NELFE: variants seen among roughly 807,000 people sequenced by gnomAD.
NELFE encodes the protein negative elongation factor E.
NELFE carries 26 observed loss-of-function variants against 55.5 expected under a neutral mutation model. The ratio of observed to expected loss-of-function variants is 0.47; its 90% CI spans 0.34 to 0.65. The LOEUF (loss-of-function observed/expected upper bound fraction) is 0.65, where lower values mean the gene tolerates loss of function less well. Ranked by LOEUF, NELFE falls within the 30% of genes least tolerant of loss-of-function variation. The pLI is 0.01. For synonymous variants in NELFE, 162 were observed against 178.0 expected, an observed-to-expected ratio of 0.91 and a Z score of 0.72; for missense variants, 403 against 506.9, an observed-to-expected ratio of 0.80 and a Z score of 1.97.
rs1772000363 is a variant in NELFE, at chr6:31,955,116, C to T, written c.367-20G>A. The T allele has an allele frequency of 1.2e-6, 2 of 1,613,026 alleles. No homozygotes were observed. Among genetic ancestry groups the T allele is most frequent in the Non-Finnish European group, 8.5e-7 (1 of 1,179,974 alleles). On this transcript the variant is annotated intron_variant, in intron 5 of 10. Coordinates refer to ENST00000375429, the MANE Select transcript of NELFE (RefSeq NM_002904.6). ...GGATGACTGTAAAAGAGACCAAGAA[C>T]AGTTAAGATGATTTCCAGTTGCTGA...
intron 6 of NELFE, 29 bp downstream of exon 6, chr6:31,955,030 T>C (rs1243299392): frequency 1.2e-6 from 2 of 1,613,394 alleles, no homozygotes; most frequent in East Asian, 2.2e-5. Context: ...CTCCACCAAA[T>C]GGGCCCAGCC....
chr6:31,956,924 T>C lies in NELFE; in HGVS notation c.145+17A>G. Reference sequence around the variant, plus strand: ...GCTGCCCACTTCCAGTCCATCCCCATTTCCCCTGTCACTCACAGCGTTTGA... The same window carrying C: ...GCTGCCCACTTCCAGTCCATCCCCACTTCCCCTGTCACTCACAGCGTTTGA... On this transcript the variant is annotated intron_variant, in intron 3 of 10. Coordinates refer to ENST00000375429, the MANE Select transcript of NELFE (RefSeq NM_002904.6). 5 of 1,612,154 alleles carry C rather than the reference T, an allele frequency of 3.1e-6. No individual in the cohort carries two copies. Among genetic ancestry groups the C allele is most frequent in the Non-Finnish European group, 4.2e-6 (5 of 1,179,260 alleles).
At chr6:31,953,904 G>A (rs1183614488) in intron 9 of NELFE, 73 bp from the exon 10 acceptor site, 2 of 1,417,284 alleles carry the variant, frequency 1.4e-6, no homozygotes, top group African/African-American at 1.4e-5. Context: ...TATTCCAGGA[G>A]TTGCTATCCT....
In NELFE at chr6:31,955,004, G is replaced by C. The variant is rs1004974933; in HGVS notation, c.404+55C>G. The stretch of plus-strand genomic sequence containing the variant: ...AGCTCCTACAGCCCAAACCTCCCAA[G>C]GACTCAGGCAATCAACTCCACCAAA... On this transcript the variant is annotated intron_variant, in intron 6 of 10. Coordinates refer to ENST00000375429, the MANE Select transcript of NELFE (RefSeq NM_002904.6). 10 of 1,613,174 alleles carry C rather than the reference G, an allele frequency of 6.2e-6. No individual in the cohort carries two copies. The African/African-American group carries it at 1.1e-4, about 17-fold the overall frequency.
rs1772130297 is a variant in NELFE at position 31,957,019 on chromosome 6, A to G, written c.76-9T>C. 2 of 1,591,008 alleles carry G rather than the reference A, an allele frequency of 1.3e-6. No homozygotes were observed. The highest frequency in any genetic ancestry group is 1.7e-6 in the Non-Finnish European group (2 of 1,163,380). ...GCCAGCAATGCCTTTTTCTGGGAAC[A>G]AGGGTGAGAAGAGAGAGGTAAGTGA... On this transcript the variant is annotated splice_polypyrimidine_tract_variant and intron_variant, in intron 2 of 10. Transcript: ENST00000375429.
intron 2 of NELFE, among the ~76,000 whole-genome samples, chr6:31,957,670 C>CT: frequency 6.6e-6 from 1 of 152,216 alleles, no homozygotes; most frequent in Non-Finnish European, 1.5e-5. Context: ...AATAGTTCTA[C>CT]TTTACTAGAC....
In NELFE at chr6:31,956,687, G is replaced by A. The variant is rs370397493; in HGVS notation, c.291+6C>T. 11 of 1,593,416 alleles carry A rather than the reference G, an allele frequency of 6.9e-6. No homozygotes were observed. The highest frequency in any genetic ancestry group is 6.9e-6 in the Non-Finnish European group (8 of 1,164,642). ...CCCTTTAAACAATCTTTCTGCTTGT[G>A]CTCACCTTTAACTTCCCCTCAAGGG... On this transcript the variant is annotated splice_donor_region_variant and intron_variant, in intron 4 of 10. Transcript: ENST00000375429.
intron 2 of NELFE, 189 bp from the exon 3 acceptor site, chr6:31,957,199 C>A: frequency 4.8e-6 from 3 of 630,568 alleles, no homozygotes; most frequent in Non-Finnish European, 5.6e-6. Flanking sequence ...CCTAATCTAA[C>A]CAAACCACGG....
At position 31,954,924 on chromosome 6, in the gene NELFE, G is replaced by A. The variant is rs1040038183; in HGVS notation, c.405-32C>T. ...AGATGCAGACTGAAGATCAAAGGGG[G>A]GTTTTACCTTCTCCCCTCAGACCCT... On this transcript the variant is annotated intron_variant, in intron 6 of 10. Coordinates refer to ENST00000375429, the MANE Select transcript of NELFE (RefSeq NM_002904.6). The surrounding 1 kb of genome is among the most constrained non-coding windows in gnomAD (Gnocchi z 5.5). 1.3e-6 allele frequency: 2 copies of A among 1,581,808 alleles called. No homozygotes were observed. Among genetic ancestry groups the A allele is most frequent in the Non-Finnish European group, 1.7e-6 (2 of 1,164,092 alleles).
chr6:31,956,225 G>A (rs1419998352), intron 4 of NELFE, among the ~76,000 whole-genome samples: 2 of 151,834 alleles, frequency 1.3e-5, no homozygotes, highest in Non-Finnish European at 2.9e-5. Flanking sequence ...CACCGCGCCC[G>A]GCCTCACACC....
chr6:31,955,394 T>G, intron 4 of NELFE, 101 bp from the exon 5 acceptor site: 1 of 770,008 alleles, frequency 1.3e-6, no homozygotes, highest in Non-Finnish European at 2.1e-6. Context: ...TTTCCTCTGA[T>G]CTTTTCTTCC....
rs1341749432 is a variant in NELFE, at chr6:31,954,792, C to T, written c.505G>A (p.Gly169Ser). The T allele has an allele frequency of 6.2e-7, 1 of 1,610,164 alleles. No homozygotes were observed. The highest frequency in any genetic ancestry group is 1.3e-5 in the African/African-American group (1 of 74,898). The change falls in exon 7 of 11, where the codon GGC (glycine) becomes AGC (serine). Residue 169 changes from glycine to serine, a missense_variant. Coordinates refer to ENST00000375429, the MANE Select transcript of NELFE (RefSeq NM_002904.6). The surrounding 1 kb of genome is among the most constrained non-coding windows in gnomAD (Gnocchi z 5.5). Reference sequence around the variant, plus strand: ...TGGGCACCACTGCGTTCTTCATAGCCCCAGTCAAAGCTTCGAGGGGGACCA... The same window carrying T: ...TGGGCACCACTGCGTTCTTCATAGCTCCAGTCAAAGCTTCGAGGGGGACCA... Reference protein sequence around the residue: ...GDGPPRSFDWGYEERSGAHSS... With the variant: ...GDGPPRSFDWSYEERSGAHSS...
At position 31,955,199 on chromosome 6, in the gene NELFE, C is replaced by G. The variant is rs559590204; in HGVS notation, c.366+20G>C. 20 of 1,611,294 alleles carry G rather than the reference C, an allele frequency of 1.2e-5. No homozygotes were observed. In the East Asian group the frequency reaches 3.6e-4, roughly 29 times the overall value. On this transcript the variant is annotated intron_variant, in intron 5 of 10. Transcript: ENST00000375429. ...TCCTCCATCCCCAACCCCTCAGGGA[C>G]AGAAATTAGGAGCCTTTACCTCTTG...
chr6:31,956,662 C>A (rs762960702), intron 4 of NELFE, 31 bp downstream of exon 4: 3 of 1,571,830 alleles, frequency 1.9e-6, no homozygotes, highest in South Asian at 2.3e-5. Context: ...TGGAGGGATG[C>A]CCTTTAAACA....
chr6:31,957,329 G>A (rs1772149174), intron 2 of NELFE: 2 of 578,844 alleles, frequency 3.5e-6, no homozygotes, highest in Non-Finnish European at 6.5e-6. Flanking sequence ...TTTCCTGGAA[G>A]CTTCATCCAT....
chr6:31,958,361 C>G lies in NELFE; in HGVS notation c.75+11G>C. On this transcript the variant is annotated intron_variant, in intron 2 of 10. Coordinates refer to ENST00000375429, the MANE Select transcript of NELFE (RefSeq NM_002904.6). ...TGAAAGGTTAGGCCATGTCCACACACAGTCCCTCACCTTTTTCTTGAGCTT... is the reference window on the plus strand; with the variant it reads ...TGAAAGGTTAGGCCATGTCCACACAGAGTCCCTCACCTTTTTCTTGAGCTT... The G allele has an allele frequency of 6.2e-7, 1 of 1,612,180 alleles. No individual in the cohort carries two copies. Among genetic ancestry groups the G allele is most frequent in the Non-Finnish European group, 8.5e-7 (1 of 1,179,178 alleles).
At position 31,958,471 on chromosome 6, in the gene NELFE, G is replaced by A. The variant is rs775055921; in HGVS notation, c.-8-17C>T. On this transcript the variant is annotated splice_polypyrimidine_tract_variant and intron_variant, in intron 1 of 10. Coordinates refer to ENST00000375429, the MANE Select transcript of NELFE (RefSeq NM_002904.6). ...TGGTGGCTCCTAGTTCAGGGGCAGG[G>A]CCCAAGACATCTTTCTCCACTGTTA... The A allele has an allele frequency of 1.2e-6, 2 of 1,606,700 alleles. No individual in the cohort carries two copies. Among genetic ancestry groups the A allele is most frequent in the Non-Finnish European group, 1.7e-6 (2 of 1,174,410 alleles).
chr6:31,958,893 C>G lies in NELFE; in HGVS notation c.-10G>C. ...AGAGTGAGAAGCAGAGGGCCTTACC[C>G]GAGGGGGCGGCAACCGGGGGCCCCA... On this transcript the variant is annotated splice_region_variant and 5_prime_UTR_variant, in exon 1 of 11. Transcript: ENST00000375429. 1.7e-6 allele frequency: 1 copy of G among 594,036 alleles called. No homozygotes were observed. Among genetic ancestry groups the G allele is most frequent in the Non-Finnish European group, 3.0e-6 (1 of 335,396 alleles). The allele number at this position is 594,036 out of a possible 1,614,324, so 36.8% of individuals were successfully genotyped here.
chr6:31,955,094 T>C lies in NELFE; in HGVS notation c.369A>G (p.Ser123=). ...SISADDDLQE[S]SRRPQRKSLY... ...GAGATTTCCTCTGGGGACGTCTGGA[T>C]GACTGTAAAAGAGACCAAGAACAGT... The change falls in exon 6 of 11, where the codon TCA becomes TCG. Residue 123 remains serine (S), a splice_region_variant and synonymous_variant. Coordinates refer to ENST00000375429, the MANE Select transcript of NELFE (RefSeq NM_002904.6). The C allele has an allele frequency of 6.2e-7, 1 of 1,613,142 alleles. No homozygotes were observed. Among genetic ancestry groups the C allele is most frequent in the Non-Finnish European group, 8.5e-7 (1 of 1,180,034 alleles).
Sources: gnomAD v4.1 joint callset for allele counts (sites outside exome capture counted in the v4.1 genomes callset) on GRCh38, gnomAD v4.1.1 for gene constraint, Gnocchi (gnomAD v3.1) non-coding constraint, MANE v1.5 for transcripts, NCBI Gene and HGNC (gene_info 2026-07-23, HGNC 2026-07-21) for gene names.